NCOA3: variants seen among roughly 807,000 people sequenced by gnomAD.
The protein encoded by NCOA3 is nuclear receptor coactivator 3.
A neutral mutation model predicts 158.8 loss-of-function variants in NCOA3; 51 were observed. That is an observed-to-expected ratio of 0.32 (90% CI 0.26 to 0.41). The LOEUF (loss-of-function observed/expected upper bound fraction) is 0.41. NCOA3 is among the 10% of genes least tolerant of loss of function. The probability of loss-of-function intolerance (pLI) is 1.00; values close to 1 mark genes in which losing one functional copy is unlikely to be tolerated. For synonymous variants in NCOA3, 537 were observed against 592.4 expected, an observed-to-expected ratio of 0.91 and a Z score of 1.36; for missense variants, 1,510 against 1,746.6, an observed-to-expected ratio of 0.86 and a Z score of 2.41.
At chr20:47,650,586 C>T (rs112910128) in intron 19 of NCOA3, among the ~76,000 whole-genome samples, 2,801 of 151,696 alleles carry the variant, frequency 0.018, 79 homozygotes, top group African/African-American at 0.06. Context: ...ATGTTTTGGC[C>T]GGCACAGTGG....
chr20:47,502,256 A>G (rs72661168), intron 1 of NCOA3, among the ~76,000 whole-genome samples: 18 of 152,282 alleles, frequency 1.2e-4, no homozygotes, highest in Non-Finnish European at 2.4e-4. Context: ...GCTGGGTGGC[A>G]GTCCGCTTGG....
At chr20:47,530,041 A>T (rs1044159020) in intron 1 of NCOA3, among the ~76,000 whole-genome samples, 1 of 152,212 alleles carries the variant, frequency 6.6e-6, no homozygotes, top group Non-Finnish European at 1.5e-5. Context: ...TTGCACTCTG[A>T]GTGGAATTTG....
chr20:47,606,424 C>T (rs6066405), intron 2 of NCOA3, among the ~76,000 whole-genome samples: 10,336 of 152,106 alleles, frequency 0.068, 452 homozygotes, highest in Non-Finnish European at 0.097. Context: ...AAGGCAGTGG[C>T]GCCAGACTCC....
intron 1 of NCOA3, among the ~76,000 whole-genome samples, chr20:47,563,909 GAAAA>G (rs1285864707): frequency 3.8e-5 from 5 of 130,316 alleles, no homozygotes; most frequent in African/African-American, 1.2e-4. Context: ...AAAAAAGAAA[GAAAA>G]AAGAAAAAGG....
intron 1 of NCOA3, among the ~76,000 whole-genome samples, chr20:47,572,265 G>A (rs1416682442): frequency 2.0e-5 from 3 of 152,090 alleles, no homozygotes; most frequent in South Asian, 2.1e-4. Flanking sequence ...TATTGGAGTA[G>A]CACTTTTAAT....
chr20:47,618,040 C>T (rs1204203002), intron 2 of NCOA3, among the ~76,000 whole-genome samples: 1 of 152,064 alleles, frequency 6.6e-6, no homozygotes, highest in East Asian at 1.9e-4. Context: ...AGTTCGAGAC[C>T]AGCCTGGCCA....
At chr20:47,609,422 G>A (rs2086008504) in intron 2 of NCOA3, among the ~76,000 whole-genome samples, 1 of 152,166 alleles carries the variant, frequency 6.6e-6, no homozygotes, top group African/African-American at 2.4e-5. Context: ...TAATAATAAT[G>A]AGGTGCCCCC....
chr20:47,594,561 A>C (rs1052460487), intron 2 of NCOA3, among the ~76,000 whole-genome samples: 23 of 145,584 alleles, frequency 1.6e-4, no homozygotes, highest in Non-Finnish European at 2.8e-4. Flanking sequence ...GCTACTCAGG[A>C]GGCTGAGGCA....
Position 47,522,959 on chromosome 20 carries a change from G to T in NCOA3, c.-99+20940G>T, listed in dbSNP as rs543189672. 4.3e-4 allele frequency among the ~76,000 whole-genome samples: 66 copies of T among 151,856 alleles called. 1 individual carries two copies. In the South Asian group the frequency reaches 0.014, roughly 32 times the overall value. ...TAATGCCAGCACTTTGGGAGGCCGA[G>T]GTGGGCGGATCACGAGGTCAGGAGA... On this transcript the variant is annotated intron_variant, in intron 1 of 22. Transcript: ENST00000371998.
intron 9 of NCOA3, 27 bp from the exon 10 acceptor site, chr20:47,634,021 C>T: frequency 1.2e-6 from 2 of 1,613,368 alleles, no homozygotes; most frequent in East Asian, 4.5e-5. Context: ...ACTGTAGTTA[C>T]CAGTGATGGG....
intron 1 of NCOA3, among the ~76,000 whole-genome samples, chr20:47,530,425 A>G (rs1239278832): frequency 6.8e-6 from 1 of 147,442 alleles, no homozygotes; most frequent in Non-Finnish European, 1.5e-5. Flanking sequence ...ATAGCTCAGT[A>G]TTTTGGTTTG....
chr20:47,613,021 G>A (rs17788633), intron 2 of NCOA3, among the ~76,000 whole-genome samples: 10,584 of 152,238 alleles, frequency 0.07, 459 homozygotes, highest in Non-Finnish European at 0.097. Context: ...GTTTAAACTG[G>A]AACATAAATG....
chr20:47,631,398 C>T (rs979980737), intron 8 of NCOA3: 1 of 152,226 alleles, frequency 6.6e-6, no homozygotes. Context: ...CTTCTTTGCT[C>T]CCATTCTGCC....
chr20:47,587,278 A>G (rs917725634), intron 2 of NCOA3, among the ~76,000 whole-genome samples: 1 of 152,158 alleles, frequency 6.6e-6, no homozygotes, highest in African/African-American at 2.4e-5. Context: ...TGGCTAGTGA[A>G]ACTCCTGTAA....
chr20:47,628,055 C>G (rs770063695), intron 8 of NCOA3, 32 bp downstream of exon 8: 15 of 1,400,442 alleles, frequency 1.1e-5, no homozygotes, highest in Non-Finnish European at 1.4e-5. Flanking sequence ...CTCTCTCTCT[C>G]TGTGTATACG....
At chr20:47,524,394 G>C (rs954798788) in intron 1 of NCOA3, among the ~76,000 whole-genome samples, 3 of 152,174 alleles carry the variant, frequency 2.0e-5, no homozygotes, top group Non-Finnish European at 4.4e-5. Context: ...AGAGAGCCTT[G>C]AAATTAAAGG....
At chr20:47,535,669 GGCTAATTT>G (rs1176751994) in intron 1 of NCOA3, among the ~76,000 whole-genome samples, 1 of 151,926 alleles carries the variant, frequency 6.6e-6, no homozygotes, top group Non-Finnish European at 1.5e-5. Context: ...CACCACATCT[GGCTAATTT>G]TTGTATTTTT....
rs143492431 is a variant in NCOA3 at position 47,546,612 on chromosome 20, A to G, written c.-98-36571A>G. Among the ~76,000 whole-genome samples, 671 of 149,928 alleles carry G rather than the reference A, an allele frequency of 4.5e-3. 3 individuals carry two copies. Among genetic ancestry groups the G allele is most frequent in the South Asian group, 7.2e-3 (34 of 4,746 alleles). ...AGTGGCGCAGTCTTGGCTCACTGCA[A>G]CCTCCGCCTCCCGCATTCAAGTGAT... On this transcript the variant is annotated intron_variant, in intron 1 of 22. Transcript: ENST00000371998.
chr20:47,509,204 C>T (rs569116130), intron 1 of NCOA3, among the ~76,000 whole-genome samples: 2 of 151,938 alleles, frequency 1.3e-5, no homozygotes, highest in East Asian at 3.9e-4. Context: ...GCCTGGGCAA[C>T]AAAGTAAGAT....
Sources: allele counts gnomAD v4.1 joint callset (sites outside exome capture counted in the v4.1 genomes callset), GRCh38; gene constraint gnomAD v4.1.1; transcripts MANE v1.5; gene names NCBI Gene and HGNC (gene_info 2026-07-23, HGNC 2026-07-21).